Variants in MFN1 observed in about 807,000 individuals in gnomAD.
MFN1 encodes the protein mitofusin-1.
Under a neutral mutation model 92.4 loss-of-function variants are expected in MFN1, and 65 were observed. The ratio of observed to expected loss-of-function variants is 0.70; its 90% CI spans 0.58 to 0.86. The LOEUF (loss-of-function observed/expected upper bound fraction) is 0.86. Among genes scored for constraint, MFN1 ranks in the 40% least tolerant of loss-of-function variants. MFN1 has a pLI of 0.00. For missense variants in MFN1, 781 were observed against 868.0 expected, an observed-to-expected ratio of 0.90 and a Z score of 1.26; for synonymous variants, 297 against 300.9, an observed-to-expected ratio of 0.99 and a Z score of 0.13.
At position 179,348,329 on chromosome 3, in the gene MFN1, T is replaced by A. The variant is rs116079857; in HGVS notation, c.-7-516T>A. ...AACCACCTATGCTTTCTTAAACTTA[T>A]AGTCCTTGAAGTTTCTGGTACTTTG... On this transcript the variant is annotated intron_variant, in intron 1 of 17. Coordinates refer to ENST00000471841, the MANE Select transcript of MFN1 (RefSeq NM_033540.3). Among the ~76,000 whole-genome samples, 474 of 152,368 alleles carry A rather than the reference T, an allele frequency of 3.1e-3. 5 individuals carry two copies. Among genetic ancestry groups the A allele is most frequent in the African/African-American group, 0.01 (426 of 41,590 alleles).
At chr3:179,371,900 A>G (rs1713034336) in intron 9 of MFN1, among the ~76,000 whole-genome samples, 1 of 151,832 alleles carries the variant, frequency 6.6e-6, no homozygotes, top group African/African-American at 2.4e-5. Flanking sequence ...GTGTTAGGTA[A>G]CAAGCTTGTG....
chr3:179,378,579 T>C lies in MFN1; in HGVS notation c.1433-6T>C, dbSNP rs963146818. 6.2e-7 allele frequency: 1 copy of C among 1,600,450 alleles called. No individual in the cohort carries two copies. The highest frequency in any genetic ancestry group is 1.3e-5 in the African/African-American group (1 of 74,386). The stretch of plus-strand genomic sequence containing the variant: ...ATCTTAAGTGTTGTAATTTTGTTCT[T>C]TCTAGAAAATTTGAAGCCATTACTT... On this transcript the variant is annotated splice_region_variant and splice_polypyrimidine_tract_variant and intron_variant, in intron 13 of 17. Transcript: ENST00000471841.
chr3:179,357,569 A>G (rs1712393109), intron 3 of MFN1, among the ~76,000 whole-genome samples: 1 of 152,218 alleles, frequency 6.6e-6, no homozygotes, highest in Non-Finnish European at 1.5e-5. Context: ...GGAAAGAGGT[A>G]AAACATATGC....
chr3:179,394,088 TC>T lies in MFN1; in HGVS notation c.*2031del, dbSNP rs1714003981. The T allele has an allele frequency of 6.6e-6, 1 of 152,192 alleles. No homozygotes were observed. Among genetic ancestry groups the T allele is most frequent in the Non-Finnish European group, 1.5e-5 (1 of 68,052 alleles). 9.4% of individuals were successfully genotyped at this position (152,192 alleles called of 1,614,324 possible). A position where few individuals can be genotyped will look rare whatever the true frequency, so the allele number is the denominator to read the frequency against. ...GTCTTGAACTCACAGACTCAAGTGA[TC>T]CTTTTACCTCAGCCTCCCAAACTGT... On this transcript the variant is annotated 3_prime_UTR_variant, in exon 18 of 18. Transcript: ENST00000471841.
Position 179,377,405 on chromosome 3 carries a change from C to T in MFN1, c.1286C>T (p.Ser429Leu). Reference sequence around the variant, plus strand: ...TCTGTTTTGGTTGATGAATTTTGTTCAGAGTTTCATCCTAATCCAGATGTA... The same window carrying T: ...TCTGTTTTGGTTGATGAATTTTGTTTAGAGTTTCATCCTAATCCAGATGTA... ...RLSVLVDEFC[S>L]EFHPNPDVLK... Residue 429 changes from serine to leucine, a missense_variant, in exon 12 of 18, where the codon TCA (serine) becomes TTA (leucine). Ser to Leu is a moderately radical substitution (Grantham distance 145). Transcript: ENST00000471841. 1.2e-6 allele frequency: 2 copies of T among 1,608,484 alleles called. No homozygotes were observed. The highest frequency in any genetic ancestry group is 1.7e-6 in the Non-Finnish European group (2 of 1,177,258).
At chr3:179,360,207 C>T (rs1057407963) in intron 4 of MFN1, among the ~76,000 whole-genome samples, 11 of 152,150 alleles carry the variant, frequency 7.2e-5, no homozygotes, top group Admixed American at 3.9e-4. Context: ...TGAACCACCA[C>T]GCCCGGCTGA....
chr3:179,370,572 C>T (rs887243219), intron 9 of MFN1, among the ~76,000 whole-genome samples: 3 of 151,642 alleles, frequency 2.0e-5, no homozygotes, highest in African/African-American at 4.8e-5. Context: ...CCACTACATC[C>T]GGCTAATTTT....
chr3:179,355,862 G>A (rs891581457), intron 3 of MFN1, among the ~76,000 whole-genome samples: 6 of 152,068 alleles, frequency 3.9e-5, no homozygotes, highest in East Asian at 3.9e-4. Context: ...CTTGGCAGGA[G>A]AATCACTTGA....
intron 10 of MFN1, 90 bp from the exon 11 acceptor site, chr3:179,376,952 A>T: frequency 7.8e-7 from 1 of 1,276,844 alleles, no homozygotes; most frequent in Non-Finnish European, 1.1e-6. Context: ...TCATGCTAAT[A>T]GATGGTTCAA....
chr3:179,360,332 A>G (rs1418697184), intron 4 of MFN1, among the ~76,000 whole-genome samples: 2 of 152,204 alleles, frequency 1.3e-5, no homozygotes, highest in Admixed American at 6.5e-5. Flanking sequence ...TTGTGCCACC[A>G]TGCCTGGCCT....
chr3:179,369,482 A>G (rs1282187099), intron 9 of MFN1, among the ~76,000 whole-genome samples: 1 of 152,212 alleles, frequency 6.6e-6, no homozygotes, highest in Non-Finnish European at 1.5e-5. Flanking sequence ...ATACATTTAT[A>G]TAATGTATAA....
intron 10 of MFN1, among the ~76,000 whole-genome samples, chr3:179,376,208 T>C (rs1177116097): frequency 1.3e-5 from 2 of 152,208 alleles, no homozygotes; most frequent in Admixed American, 1.3e-4. Flanking sequence ...ATTGCCAGCA[T>C]ATAAAACGCA....
intron 14 of MFN1, among the ~76,000 whole-genome samples, chr3:179,382,565 A>G (rs1713512569): frequency 6.6e-6 from 1 of 152,182 alleles, no homozygotes; most frequent in Non-Finnish European, 1.5e-5. Flanking sequence ...ACCATGATTT[A>G]TATTCCTTTG....
chr3:179,391,097 T>C (rs1713881910), intron 17 of MFN1, among the ~76,000 whole-genome samples: 1 of 152,040 alleles, frequency 6.6e-6, no homozygotes, highest in African/African-American at 2.4e-5. Flanking sequence ...TATATACCTT[T>C]CAAATGTGGT....
At chr3:179,353,055 ATTT>A (rs11408958) in intron 3 of MFN1, among the ~76,000 whole-genome samples, 1 of 139,780 alleles carries the variant, frequency 7.2e-6, no homozygotes. Context: ...TCCAGCCTAA[ATTT>A]TTTTTTTTTT....
At chr3:179,378,552 T>G in intron 13 of MFN1, 33 bp from the exon 14 acceptor site, 1 of 1,554,294 alleles carries the variant, frequency 6.4e-7, no homozygotes, top group South Asian at 1.1e-5. Flanking sequence ...TTTACCATTC[T>G]TATCTTAAGT....
At chr3:179,357,384 T>C (rs1712386777) in intron 3 of MFN1, among the ~76,000 whole-genome samples, 2 of 152,156 alleles carry the variant, frequency 1.3e-5, no homozygotes, top group South Asian at 4.1e-4. Context: ...CTGCAAGGCT[T>C]CATGAAATGT....
chr3:179,383,354 G>C (rs1050835375), intron 14 of MFN1, among the ~76,000 whole-genome samples: 4 of 152,192 alleles, frequency 2.6e-5, no homozygotes, highest in Non-Finnish European at 1.5e-5. Flanking sequence ...GTTTTTGTCA[G>C]GTTTGTCAAA....
chr3:179,382,982 G>A (rs1337052514), intron 14 of MFN1, among the ~76,000 whole-genome samples: 1 of 152,134 alleles, frequency 6.6e-6, no homozygotes, highest in Non-Finnish European at 1.5e-5. Context: ...TTTGTCAGAT[G>A]AGTAGATTGC....
Sources: gnomAD v4.1 joint callset for allele counts (sites outside exome capture counted in the v4.1 genomes callset) on GRCh38, gnomAD v4.1.1 for gene constraint, MANE v1.5 for transcripts, NCBI Gene and HGNC (gene_info 2026-07-23, HGNC 2026-07-21) for gene names.